RUFY2: variants seen among roughly 807,000 people sequenced by gnomAD.
The protein encoded by RUFY2 is RUN and FYVE domain containing 2.
A neutral mutation model predicts 94.4 loss-of-function variants in RUFY2; 49 were observed. The ratio of observed to expected loss-of-function variants is 0.52; its 90% confidence interval spans 0.41 to 0.66. RUFY2 has a LOEUF of 0.66. Ranked by LOEUF, RUFY2 falls within the 30% of genes least tolerant of loss-of-function variation. The probability of loss-of-function intolerance (pLI) is 0.00; values close to 1 mark genes in which losing one functional copy is unlikely to be tolerated. For missense variants in RUFY2, 541 were observed against 692.8 expected (o/e 0.78, Z 2.46); for synonymous variants, 255 against 235.7 (o/e 1.08, Z -0.75).
chr10:68,376,857 G>A lies in RUFY2; in HGVS notation c.1321C>T (p.Gln441Ter), dbSNP rs774129889. ...LQKQISQKEK[Q>*]LVQLETDLKI... Reference sequence around the variant, plus strand: ...TTCTGAGAGTGAAATACTCACAGCTGTTTCTCCTTTTGGGAGATTTGTTTC... The same window carrying A: ...TTCTGAGAGTGAAATACTCACAGCTATTTCTCCTTTTGGGAGATTTGTTTC... Residue 441 changes from glutamine to a stop codon, truncating the protein, a stop_gained, in exon 13 of 18, where the codon CAG (glutamine) becomes TAG (stop). Transcript: ENST00000602465. LOFTEE classifies it high-confidence loss of function. 5 of 1,613,412 alleles carry A rather than the reference G, an allele frequency of 3.1e-6. No homozygotes were observed. The highest frequency in any genetic ancestry group is 3.4e-6 in the Non-Finnish European group (4 of 1,179,592).
rs1056429026 is a variant in RUFY2 at position 68,404,664 on chromosome 10, A to G, written c.178+7T>C. ...AAATGAATTAATTTTTTAAAATCTC[A>G]TGATACCTTTAAGACCGTGTTTCAG... On this transcript the variant is annotated splice_region_variant and intron_variant, in intron 2 of 17. Transcript: ENST00000602465. 6.5e-7 allele frequency: 1 copy of G among 1,528,258 alleles called. No individual in the cohort carries two copies. The highest frequency in any genetic ancestry group is 8.8e-7 in the Non-Finnish European group (1 of 1,137,398). The allele number at this position is 1,528,258 out of a possible 1,614,324, so 94.7% of individuals were successfully genotyped here.
chr10:68,394,249 A>G, intron 5 of RUFY2, 79 bp downstream of exon 5: 1 of 1,602,784 alleles, frequency 6.2e-7, no homozygotes, highest in Non-Finnish European at 8.5e-7. Flanking sequence ...CCTGTTTACA[A>G]CTTCAAATGA....
chr10:68,378,330 G>A, intron 12 of RUFY2: 2 of 1,202,368 alleles, frequency 1.7e-6, no homozygotes, highest in Non-Finnish European at 1.0e-6. Flanking sequence ...CCTCCAAAGG[G>A]TCAATACTCA....
intron 13 of RUFY2, among the ~76,000 whole-genome samples, chr10:68,366,804 AT>A (rs2047871251): frequency 1.2e-4 from 1 of 8,506 alleles, no homozygotes; most frequent in African/African-American, 1.5e-3. Context: ...TATAATATAT[AT>A]AATATAATGT....
Position 68,363,674 on chromosome 10 carries a change from T to A in RUFY2, c.1466A>T (p.Asn489Ile), listed in dbSNP as rs772238860. The A allele has an allele frequency of 2.5e-6, 4 of 1,592,340 alleles. No homozygotes were observed. The South Asian group carries it at 4.6e-5, about 18-fold the overall frequency. ...QIISLKKEFL[N>I]LQDENQQLKK... Reference sequence around the variant, plus strand: ...CAACTGCTGATTTTCATCCTGGAGGTTAAGGAACTCCTTCAGAACAATAAA... The same window carrying A: ...CAACTGCTGATTTTCATCCTGGAGGATAAGGAACTCCTTCAGAACAATAAA... The change falls in exon 15 of 18, where the codon AAC (asparagine) becomes ATC (isoleucine). Residue 489 changes from asparagine to isoleucine, a missense_variant. Transcript: ENST00000602465.
intron 3 of RUFY2, among the ~76,000 whole-genome samples, chr10:68,401,306 CAG>C (rs1277596430): frequency 6.6e-6 from 1 of 152,166 alleles, no homozygotes; most frequent in Admixed American, 6.5e-5. Flanking sequence ...CTTTCTACTA[CAG>C]GCAAACTAAT....
intron 16 of RUFY2, among the ~76,000 whole-genome samples, chr10:68,352,724 T>A (rs1260402295): frequency 6.7e-6 from 1 of 148,770 alleles, no homozygotes; most frequent in East Asian, 2.1e-4. Context: ...AAGTCAGGAG[T>A]TCGAGACAAG....
intron 13 of RUFY2, among the ~76,000 whole-genome samples, chr10:68,369,497 C>CA (rs55718835): frequency 2.8e-5 from 4 of 143,930 alleles, no homozygotes; most frequent in Middle Eastern, 3.8e-3. Flanking sequence ...AAAAAAAAAA[C>CA]AAAAAAAAAA....
intron 2 of RUFY2, 43 bp downstream of exon 2, chr10:68,404,628 C>A: frequency 7.0e-7 from 1 of 1,419,502 alleles, no homozygotes; most frequent in Non-Finnish European, 9.3e-7. Flanking sequence ...ACTTGAAAAA[C>A]GGAAATTCTA....
chr10:68,393,920 T>C (rs1475488256), intron 6 of RUFY2, 155 bp downstream of exon 6: 3 of 1,384,626 alleles, frequency 2.2e-6, no homozygotes, highest in East Asian at 3.4e-5. Flanking sequence ...ATAATCTGCT[T>C]TGTAAAGCTT....
rs144567346 is a variant in RUFY2, at chr10:68,345,336, C to T, written c.*432G>A. On this transcript the variant is annotated 3_prime_UTR_variant, in exon 18 of 18. Transcript: ENST00000602465. ...GAAATCTTACAAAGATAATGAAAAT[C>T]TGTTGAATTAGAATATTAATAATTT... 3.3e-3 allele frequency: 1,094 copies of T among 328,714 alleles called. 18 individuals carry two copies. Among genetic ancestry groups the T allele is most frequent in the African/African-American group, 0.021 (1,016 of 47,432 alleles). The allele number at this position is 328,714 out of a possible 1,614,324, so 20.4% of individuals were successfully genotyped here. A position where few individuals can be genotyped will look rare whatever the true frequency, so the allele number is the denominator to read the frequency against.
intron 11 of RUFY2, among the ~76,000 whole-genome samples, chr10:68,380,660 G>A (rs989700694): frequency 2.6e-5 from 4 of 151,928 alleles, no homozygotes; most frequent in East Asian, 1.9e-4. Flanking sequence ...TCAGGAATTC[G>A]AAACCAGCCT....
At chr10:68,388,085 C>T (rs2132942582) in intron 7 of RUFY2, among the ~76,000 whole-genome samples, 1 of 152,268 alleles carries the variant, frequency 6.6e-6, no homozygotes, top group East Asian at 1.9e-4. Context: ...CAATAATATT[C>T]ACCTTGCCTT....
chr10:68,364,828 A>C (rs2047691262), intron 13 of RUFY2, among the ~76,000 whole-genome samples: 1 of 151,710 alleles, frequency 6.6e-6, no homozygotes. Flanking sequence ...TCAGCATCTG[A>C]GACTATAGGC....
intron 13 of RUFY2, among the ~76,000 whole-genome samples, chr10:68,371,418 T>C (rs1320298987): frequency 6.8e-6 from 1 of 147,272 alleles, no homozygotes; most frequent in South Asian, 2.1e-4. Context: ...TGAGACTCCA[T>C]CTCAAAAAAA....
intron 16 of RUFY2, among the ~76,000 whole-genome samples, chr10:68,350,720 T>G (rs1222268330): frequency 8.2e-6 from 1 of 122,020 alleles, no homozygotes; most frequent in Non-Finnish European, 1.8e-5. Context: ...TTGTTTTTGG[T>G]TTTTTTTTTG....
intron 13 of RUFY2, among the ~76,000 whole-genome samples, chr10:68,370,705 T>G (rs2048207882): frequency 6.6e-6 from 1 of 151,928 alleles, no homozygotes; most frequent in Admixed American, 6.6e-5. Context: ...ATGGAAATCT[T>G]AGGACTGAAA....
chr10:68,341,388 AC>A, downstream of RUFY2: 1 of 1,444,374 alleles, frequency 6.9e-7, no homozygotes, highest in Non-Finnish European at 9.5e-7. Context: ...TCTGTAGGTA[AC>A]GCTTGGCAGT....
chr10:68,374,011 C>T (rs2048445592), intron 13 of RUFY2, among the ~76,000 whole-genome samples: 1 of 146,490 alleles, frequency 6.8e-6, no homozygotes, highest in Admixed American at 7.2e-5. Context: ...AGCTACTCTG[C>T]AAGCTGAGGT....
Sources: allele counts gnomAD v4.1 joint callset (sites outside exome capture counted in the v4.1 genomes callset), GRCh38; gene constraint gnomAD v4.1.1; transcripts MANE v1.5; gene names NCBI Gene and HGNC (gene_info 2026-07-23, HGNC 2026-07-21).